Variants in TKFC observed in about 807,000 individuals in gnomAD.
TKFC encodes the protein triokinase and FMN cyclase, also known as triokinase/FMN cyclase.
A neutral mutation model predicts 61.0 loss-of-function variants in TKFC; 46 were observed. The observed-to-expected ratio is 0.75, with a 90% confidence interval of 0.60 to 0.96. The LOEUF (loss-of-function observed/expected upper bound fraction) is 0.96, where lower values mean the gene tolerates loss of function less well. Ranked by LOEUF, TKFC falls within the 50% of genes least tolerant of loss-of-function variation. The pLI is 0.00. For missense variants in TKFC, 715 were observed against 777.5 expected (o/e 0.92, Z 0.96); for synonymous variants, 314 against 330.1 (o/e 0.95, Z 0.53).
intron 1 of TKFC, 49 bp from the exon 2 acceptor site, chr11:61,334,571 G>A (rs1351015219): frequency 7.7e-6 from 7 of 912,604 alleles, no homozygotes; most frequent in Non-Finnish European, 8.6e-6. Flanking sequence ...GATTGTGCCA[G>A]TCGACTGCGA....
intron 10 of TKFC, 22 bp from the exon 11 acceptor site, chr11:61,343,316 TGGAC>T: frequency 6.2e-7 from 1 of 1,600,970 alleles, no homozygotes; most frequent in South Asian, 1.1e-5. Flanking sequence ...TTTTCCCTTT[TGGAC>T]TGCCACACTC....
chr11:61,352,119 C>G (rs531493726), downstream of TKFC: 2 of 152,182 alleles, frequency 1.3e-5, no homozygotes, highest in African/African-American at 4.8e-5. Flanking sequence ...ATGGCACAGC[C>G]AAGATCGAAA....
chr11:61,346,451 C>T lies in TKFC; in HGVS notation c.1676C>T (p.Ala559Val), dbSNP rs775801411. Reference sequence around the variant, plus strand: ...CGGCTGGAGCAGCCAGACCCCGGGGCGGTGGCAGCTGCTGCCATCCTCCGG... The same window carrying T: ...CGGCTGGAGCAGCCAGACCCCGGGGTGGTGGCAGCTGCTGCCATCCTCCGG... Reference protein sequence around the residue: ...SARLEQPDPGAVAAAAILRAI... With the variant: ...SARLEQPDPGVVAAAAILRAI... Residue 559 changes from alanine to valine, a missense_variant, in exon 18 of 18, where the codon GCG becomes GTG. Physicochemically the swap from Ala to Val is moderately conservative, Grantham distance 64 (BLOSUM62 0). Coordinates refer to ENST00000394900, the MANE Select transcript of TKFC (RefSeq NM_015533.4). The surrounding 1 kb of genome is among the most constrained non-coding windows in gnomAD (Gnocchi z 4.1). 9 of 1,610,492 alleles carry T rather than the reference C, an allele frequency of 5.6e-6. No homozygotes were observed. Among genetic ancestry groups the T allele is most frequent in the South Asian group, 5.5e-5 (5 of 91,052 alleles).
chr11:61,338,272 G>A (rs1348626983), intron 3 of TKFC, 142 bp downstream of exon 3: 10 of 799,556 alleles, frequency 1.3e-5, no homozygotes, highest in African/African-American at 1.8e-5. Context: ...CACTCCCTCC[G>A]GCTGGGATCA....
intron 5 of TKFC, among the ~76,000 whole-genome samples, chr11:61,339,718 C>G (rs1270970641): frequency 1.3e-5 from 2 of 152,214 alleles, no homozygotes; most frequent in Non-Finnish European, 2.9e-5. Flanking sequence ...AGACCCCGCC[C>G]TCCTGCTTTG....
chr11:61,344,806 G>T (rs1465967768), intron 13 of TKFC, among the ~76,000 whole-genome samples: 1 of 152,208 alleles, frequency 6.6e-6, no homozygotes, highest in Non-Finnish European at 1.5e-5. Context: ...CCAGTGAAAA[G>T]CTCTTAACTG....
chr11:61,352,952 T>G, downstream of TKFC: 1 of 1,614,026 alleles, frequency 6.2e-7, no homozygotes, highest in Non-Finnish European at 8.5e-7. Flanking sequence ...TCCCTCCTCT[T>G]CACCTTAGAG....
chr11:61,349,764 C>T, downstream of TKFC: 1 of 654,246 alleles, frequency 1.5e-6, no homozygotes, highest in South Asian at 1.7e-5. Context: ...CTCCCCCTTT[C>T]TGCAATCACC....
chr11:61,347,401 G>A lies in TKFC; in HGVS notation c.*898G>A. On this transcript the variant is annotated 3_prime_UTR_variant, in exon 18 of 18. Coordinates refer to ENST00000394900, the MANE Select transcript of TKFC (RefSeq NM_015533.4). The stretch of plus-strand genomic sequence containing the variant: ...TACCAAAAAATACAAAATTAGCCAG[G>A]CATAGTAGTGTGTGCCTATAGTCCT... 11 of 867,258 alleles carry A rather than the reference G, an allele frequency of 1.3e-5. No individual in the cohort carries two copies. Among genetic ancestry groups the A allele is most frequent in the Non-Finnish European group, 1.5e-5 (11 of 722,376 alleles). The allele number at this position is 867,258 out of a possible 1,614,324, so 53.7% of individuals were successfully genotyped here. A position where few individuals can be genotyped will look rare whatever the true frequency, so the allele number is the denominator to read the frequency against.
At chr11:61,352,797 C>A, downstream of TKFC, 1 of 1,440,210 alleles carries the variant, frequency 6.9e-7, no homozygotes, top group Non-Finnish European at 9.1e-7. Flanking sequence ...AACTGATGCT[C>A]AATAAATATC....
At chr11:61,350,095 AAGC>A (rs1447429396), downstream of TKFC, 2 of 555,898 alleles carry the variant, frequency 3.6e-6, no homozygotes, top group African/African-American at 3.8e-5. Context: ...CCACCAAGGA[AAGC>A]AGACAGGCAG....
chr11:61,341,972 C>T, intron 7 of TKFC, 60 bp downstream of exon 7: 1 of 1,492,648 alleles, frequency 6.7e-7, no homozygotes, highest in Middle Eastern at 1.9e-4. Flanking sequence ...CTTTGCCCAC[C>T]TTGCATACCC....
chr11:61,352,770 C>G (rs1403910211), downstream of TKFC: 24 of 1,403,260 alleles, frequency 1.7e-5, no homozygotes, highest in Non-Finnish European at 2.1e-5. Context: ...TTCTGACACA[C>G]AGCAGGTGCT....
intron 13 of TKFC, among the ~76,000 whole-genome samples, chr11:61,344,583 C>CT (rs1019442185): frequency 5.9e-5 from 9 of 152,060 alleles, no homozygotes; most frequent in East Asian, 1.9e-4. Flanking sequence ...AGGCTGGTCT[C>CT]TAACTCCCCA....
intron 16 of TKFC, 44 bp downstream of exon 16, chr11:61,345,789 C>T (rs932135309): frequency 1.2e-6 from 2 of 1,614,190 alleles, no homozygotes; most frequent in Non-Finnish European, 1.7e-6. Flanking sequence ...CCTTTTGGCC[C>T]TGTAAGTCTA....
In TKFC at chr11:61,342,736, G is replaced by A. The variant is rs1376552824; in HGVS notation, c.776-19G>A. The A allele has an allele frequency of 4.3e-6, 7 of 1,613,988 alleles. 1 individual carries two copies. The South Asian group carries it at 7.7e-5, about 18-fold the overall frequency. ...AGACGCCCAGAGGGTCTCACCTGGG[G>A]TGTCATGTCTACCCGCAGGCTCCTC... On this transcript the variant is annotated intron_variant, in intron 9 of 17. Coordinates refer to ENST00000394900, the MANE Select transcript of TKFC (RefSeq NM_015533.4).
At chr11:61,350,964 C>T, downstream of TKFC, 5 of 1,604,034 alleles carry the variant, frequency 3.1e-6, no homozygotes, top group Non-Finnish European at 4.3e-6. Context: ...CCTGTCCCAC[C>T]CTGGAATGTG....
rs767534898 is a variant in TKFC at position 61,346,279 on chromosome 11, G to A, written c.1576-72G>A. On this transcript the variant is annotated intron_variant, in intron 17 of 17. Transcript: ENST00000394900. This position sits in a 1 kb window ranked among gnomAD's most constrained non-coding sequence, Gnocchi z 4.1. ...CAGGGCCAGGCTGCACGGCAGAGAC[G>A]TTCTGCCCATGGCAGGAAGGAGGCG... 67 of 1,604,146 alleles carry A rather than the reference G, an allele frequency of 4.2e-5. No individual in the cohort carries two copies. The highest frequency in any genetic ancestry group is 2.4e-4 in the African/African-American group (18 of 74,934).
chr11:61,346,178 G>T lies in TKFC; in HGVS notation c.1576-173G>T. The stretch of plus-strand genomic sequence containing the variant: ...TCAGTGAATGGTGACCCTTTTCCCT[G>T]CTGGAAGTAGATGAGAAGTGACTTT... On this transcript the variant is annotated intron_variant, in intron 17 of 17. Coordinates refer to ENST00000394900, the MANE Select transcript of TKFC (RefSeq NM_015533.4). This position sits in a 1 kb window ranked among gnomAD's most constrained non-coding sequence, Gnocchi z 4.1. The T allele has an allele frequency of 6.8e-7, 1 of 1,460,928 alleles. No individual in the cohort carries two copies. The highest frequency in any genetic ancestry group is 9.1e-7 in the Non-Finnish European group (1 of 1,098,570). 90.5% of individuals were successfully genotyped at this position (1,460,928 alleles called of 1,614,324 possible). A position where few individuals can be genotyped will look rare whatever the true frequency, so the allele number is the denominator to read the frequency against.
Sources: gnomAD v4.1 joint callset for allele counts (sites outside exome capture counted in the v4.1 genomes callset) on GRCh38, gnomAD v4.1.1 for gene constraint, Gnocchi (gnomAD v3.1) non-coding constraint, MANE v1.5 for transcripts, NCBI Gene and HGNC (gene_info 2026-07-23, HGNC 2026-07-21) for gene names.